The following BACH1 variants were observed in gnomAD, a reference collection of about 807,000 sequenced individuals.
The protein encoded by BACH1 is transcription regulator protein BACH1.
BACH1 carries 35 observed loss-of-function variants against 52.9 expected under a neutral mutation model. The observed-to-expected ratio is 0.66, with a 90% CI of 0.51 to 0.88. BACH1 has a LOEUF of 0.88. Ranked by LOEUF, BACH1 falls within the 40% of genes least tolerant of loss-of-function variation. The probability of loss-of-function intolerance (pLI) is 0.00; values close to 1 mark genes in which losing one functional copy is unlikely to be tolerated. For missense variants in BACH1, 808 were observed against 872.6 expected, an observed-to-expected ratio of 0.93 and a Z score of 0.93; for synonymous variants, 321 against 319.6, an observed-to-expected ratio of 1.00 and a Z score of -0.05.
At chr21:29,320,285 G>C (rs138123804) in intron 1 of BACH1, among the ~76,000 whole-genome samples, 1 of 152,112 alleles carries the variant, frequency 6.6e-6, no homozygotes, top group Non-Finnish European at 1.5e-5. Context: ...CCGGCCGTAG[G>C]GTGCTGGAAG....
intron 1 of BACH1, among the ~76,000 whole-genome samples, chr21:29,317,843 A>G (rs1419432060): frequency 6.6e-6 from 1 of 152,178 alleles, no homozygotes; most frequent in Non-Finnish European, 1.5e-5. Context: ...ACTTCAGAAC[A>G]TCTCAGCGAG....
chr21:29,317,454 C>G (rs1356849009), intron 1 of BACH1, among the ~76,000 whole-genome samples: 2 of 152,158 alleles, frequency 1.3e-5, no homozygotes, highest in Non-Finnish European at 2.9e-5. Flanking sequence ...GAGTAGAAGT[C>G]CAGATAGTGG....
At chr21:29,329,353 T>C (rs982559243) in intron 3 of BACH1, 134 bp from the exon 4 acceptor site, 1 of 638,584 alleles carries the variant, frequency 1.6e-6, no homozygotes, top group Non-Finnish European at 2.5e-6. Context: ...GTATAGAAAT[T>C]GGGATAGAGG....
intron 4 of BACH1, among the ~76,000 whole-genome samples, chr21:29,334,911 C>T (rs955067210): frequency 2.6e-5 from 4 of 152,198 alleles, no homozygotes; most frequent in South Asian, 2.1e-4. Flanking sequence ...GTGGCCCTTC[C>T]GGAACCTGCC....
At chr21:29,303,507 A>G (rs1269284648) in intron 1 of BACH1, among the ~76,000 whole-genome samples, 4 of 152,252 alleles carry the variant, frequency 2.6e-5, no homozygotes, top group Admixed American at 2.6e-4. Flanking sequence ...AGGAGAGAAC[A>G]TCGTGTGTGG....
intron 1 of BACH1, among the ~76,000 whole-genome samples, chr21:29,307,175 T>C (rs1439606693): frequency 6.6e-6 from 1 of 152,214 alleles, no homozygotes; most frequent in Admixed American, 6.5e-5. Flanking sequence ...AATTCTTGAA[T>C]CAGGAGTACA....
intron 1 of BACH1, among the ~76,000 whole-genome samples, chr21:29,306,517 A>G (rs960514235): frequency 1.3e-5 from 2 of 152,130 alleles, no homozygotes; most frequent in Non-Finnish European, 2.9e-5. Context: ...GGGGAATAGT[A>G]CCGCTGTGAT....
chr21:29,330,317 A>C (rs895446347), intron 4 of BACH1, among the ~76,000 whole-genome samples: 3 of 151,942 alleles, frequency 2.0e-5, no homozygotes, highest in East Asian at 3.9e-4. Flanking sequence ...GGCGCCTGCC[A>C]CTGCGCCTGG....
intron 2 of BACH1, among the ~76,000 whole-genome samples, chr21:29,325,030 C>T (rs1434217346): frequency 6.6e-6 from 1 of 152,098 alleles, no homozygotes; most frequent in East Asian, 1.9e-4. Context: ...AAATAGAGAC[C>T]ATCCTGGCTA....
At chr21:29,329,418 T>C (rs1601358180) in intron 3 of BACH1, 69 bp from the exon 4 acceptor site, 1 of 1,276,188 alleles carries the variant, frequency 7.8e-7, no homozygotes, top group East Asian at 2.7e-5. Context: ...ATGTATACCT[T>C]CATCTTCCTA....
In BACH1 at chr21:29,345,339, T is replaced by C. The variant is rs1223837554; in HGVS notation, c.*2506T>C. ...AAGACAAATGACAGGATTATGAGTA[T>C]ACAGTGTATGCCTTTTCCTTCATGC... On this transcript the variant is annotated 3_prime_UTR_variant, in exon 5 of 5. Transcript: ENST00000286800. 1 of 152,500 alleles carries C rather than the reference T, an allele frequency of 6.6e-6. No individual in the cohort carries two copies. The highest frequency in any genetic ancestry group is 1.5e-5 in the Non-Finnish European group (1 of 68,026). 9.4% of individuals were successfully genotyped at this position (152,500 alleles called of 1,614,324 possible).
At chr21:29,318,871 A>G (rs1475456520) in intron 1 of BACH1, among the ~76,000 whole-genome samples, 2 of 151,836 alleles carry the variant, frequency 1.3e-5, no homozygotes, top group Admixed American at 6.6e-5. Context: ...CCATATCTGT[A>G]TTCTCAAGCA....
At chr21:29,312,255 T>C (rs191834248) in intron 1 of BACH1, among the ~76,000 whole-genome samples, 1 of 152,306 alleles carries the variant, frequency 6.6e-6, no homozygotes, top group East Asian at 1.9e-4. Flanking sequence ...CCCCTCTTTC[T>C]TGTGGGAGCC....
intron 1 of BACH1, among the ~76,000 whole-genome samples, chr21:29,304,118 G>C (rs551324023): frequency 6.8e-6 from 1 of 146,240 alleles, no homozygotes; most frequent in South Asian, 2.2e-4. Context: ...GTTATTCCCA[G>C]TTTTTTTTTT....
intron 1 of BACH1, among the ~76,000 whole-genome samples, chr21:29,307,776 T>G (rs926710537): frequency 2.6e-5 from 4 of 152,232 alleles, no homozygotes; most frequent in Non-Finnish European, 4.4e-5. Flanking sequence ...ACAAGTATGA[T>G]CACTGTGTAA....
chr21:29,321,664 T>C, intron 2 of BACH1, 150 bp downstream of exon 2: 2 of 642,334 alleles, frequency 3.1e-6, no homozygotes, highest in Non-Finnish European at 5.1e-6. Context: ...TTTTTTTTAG[T>C]TTTTTTAATG....
At chr21:29,352,009 G>A (rs2089204940) in intron 2 of BACH1, among the ~76,000 whole-genome samples, 1 of 151,970 alleles carries the variant, frequency 6.6e-6, no homozygotes. Flanking sequence ...AGGAACTATG[G>A]GGAGGAATAG....
intron 1 of BACH1, among the ~76,000 whole-genome samples, chr21:29,302,372 C>T (rs2088613134): frequency 6.6e-6 from 1 of 152,232 alleles, no homozygotes; most frequent in Admixed American, 6.5e-5. Context: ...GAAGCCCAGG[C>T]ACCTGGCTTA....
rs543426416 is a variant in BACH1 at position 29,360,620 on chromosome 21, G to A, written c.472+30927G>A. Among the ~76,000 whole-genome samples the A allele has an allele frequency of 1.2e-4, 19 of 152,180 alleles. No individual in the cohort carries two copies. In the East Asian group the frequency reaches 3.7e-3, roughly 29 times the overall value. On this transcript the variant is annotated intron_variant, in intron 2 of 4. Coordinates refer to the BACH1 transcript ENST00000422809. The stretch of plus-strand genomic sequence containing the variant: ...AGCACTTTGGGAGGCCGAGGTGGGT[G>A]GATCACCTGAGCTCAGGAGTTCAAG...
Sources: gnomAD v4.1 joint callset for allele counts (sites outside exome capture counted in the v4.1 genomes callset) on GRCh38, gnomAD v4.1.1 for gene constraint, MANE v1.5 for transcripts, NCBI Gene and HGNC (gene_info 2026-07-23, HGNC 2026-07-21) for gene names.